The following PPP3CB variants were observed in gnomAD, a reference collection of about 807,000 sequenced individuals.
The protein encoded by PPP3CB is protein phosphatase 3 catalytic subunit beta.
A neutral mutation model predicts 66.4 loss-of-function variants in PPP3CB; 8 were observed. That is an observed-to-expected ratio of 0.12 (90% CI 0.07 to 0.22). The LOEUF (loss-of-function observed/expected upper bound fraction) is 0.22, where lower values mean the gene tolerates loss of function less well. Among genes scored for constraint, PPP3CB ranks in the 10% least tolerant of loss-of-function variants. The pLI is 1.00. For synonymous variants in PPP3CB, 208 were observed against 221.2 expected (o/e 0.94, Z 0.53); for missense variants, 319 against 642.5 (o/e 0.50, Z 5.44).
chr10:73,457,279 A>G (rs567895345), intron 9 of PPP3CB, among the ~76,000 whole-genome samples: 1,993 of 148,706 alleles, frequency 0.013, 13 homozygotes, highest in Non-Finnish European at 0.021. Context: ...AAAAAAAAAA[A>G]AAAAAAAAAA....
intron 11 of PPP3CB, among the ~76,000 whole-genome samples, chr10:73,445,152 A>C (rs904280582): frequency 2.0e-4 from 30 of 152,208 alleles, no homozygotes; most frequent in African/African-American, 7.0e-4. Flanking sequence ...TGTGCAAACA[A>C]ATTTTTAAAG....
chr10:73,442,987 G>A (rs569601647), intron 12 of PPP3CB, among the ~76,000 whole-genome samples: 57 of 151,280 alleles, frequency 3.8e-4, no homozygotes, highest in Middle Eastern at 6.8e-3. Flanking sequence ...GAGCCCAGGA[G>A]TTTGAGACCA....
chr10:73,456,256 T>C (rs559225642), intron 9 of PPP3CB, among the ~76,000 whole-genome samples: 1 of 152,306 alleles, frequency 6.6e-6, no homozygotes, highest in East Asian at 1.9e-4. Flanking sequence ...GTCTCTACCT[T>C]CAACAAGCTT....
intron 1 of PPP3CB, among the ~76,000 whole-genome samples, chr10:73,491,019 A>ATTTTTTTTTTTTTTTTTTT (rs2057064854): frequency 4.5e-5 from 1 of 22,384 alleles, no homozygotes; most frequent in Non-Finnish European, 1.0e-4. Context: ...GTTTGTTTTT[A>ATTTTTTTTTTTTTTTTTTT]TTGTTTTTTT....
At chr10:73,495,610 A>G in intron 1 of PPP3CB, 195 bp downstream of exon 1, 2 of 757,512 alleles carry the variant, frequency 2.6e-6, no homozygotes, top group Non-Finnish European at 3.6e-6. Context: ...CCTGAAAGCA[A>G]CCGGGAGACC....
intron 9 of PPP3CB, among the ~76,000 whole-genome samples, chr10:73,455,771 C>T (rs918054632): frequency 2.0e-5 from 3 of 152,170 alleles, no homozygotes; most frequent in Non-Finnish European, 4.4e-5. Context: ...GGGGTTTCAC[C>T]GTGTTAGCCA....
At chr10:73,489,010 A>G (rs2057031459) in intron 1 of PPP3CB, among the ~76,000 whole-genome samples, 1 of 152,248 alleles carries the variant, frequency 6.6e-6, no homozygotes, top group Admixed American at 6.5e-5. Context: ...AAAGAAAAAG[A>G]AAACTTTGGA....
chr10:73,474,894 A>C, intron 4 of PPP3CB, 25 bp downstream of exon 4: 2 of 1,611,034 alleles, frequency 1.2e-6, no homozygotes, highest in East Asian at 2.2e-5. Flanking sequence ...GAGGAAGTGA[A>C]AACATTTCTT....
rs10569079 is a variant in PPP3CB at position 73,462,949 on chromosome 10, C to CA, written c.1108+4603dup. Among the ~76,000 whole-genome samples, 88 of 58,816 alleles carry CA rather than the reference C, an allele frequency of 1.5e-3. 4 individuals carry two copies. Among genetic ancestry groups the CA allele is most frequent in the South Asian group, 5.4e-3 (5 of 924 alleles). 38.6% of individuals were successfully genotyped at this position (58,816 alleles called of 152,430 possible). A position where few individuals can be genotyped will look rare whatever the true frequency, so the allele number is the denominator to read the frequency against. On this transcript the variant is annotated intron_variant, in intron 9 of 13. Transcript: ENST00000360663. Reference sequence around the variant, plus strand: ...TGGGTGACAGAGCAAGACTCTGTCTCAAAAAAAAAAAAAAAAAAAAAAAAA... The same window carrying CA: ...TGGGTGACAGAGCAAGACTCTGTCTCAAAAAAAAAAAAAAAAAAAAAAAAAA...
rs1331815036 is a variant in PPP3CB at position 73,467,654 on chromosome 10, T to C, written c.1007A>G (p.Asn336Ser). 1 of 1,565,372 alleles carries C rather than the reference T, an allele frequency of 6.4e-7. No homozygotes were observed. Among genetic ancestry groups the C allele is most frequent in the South Asian group, 1.2e-5 (1 of 84,598 alleles). Residue 336 changes from asparagine to serine, a missense_variant, in exon 9 of 14, where the codon AAT (asparagine) becomes AGT (serine). Asn to Ser is a conservative substitution (Grantham distance 46, BLOSUM62 1). Transcript: ENST00000360663. ...NKAAVLKYEN[N>S]VMNIRQFNCS... ...GTTAAACTGTCGAATATTCATCACA[T>C]TATTTTCATACTTTAATACAGCAGC...
At chr10:73,467,519 T>C in intron 9 of PPP3CB, 34 bp downstream of exon 9, 5 of 1,435,350 alleles carry the variant, frequency 3.5e-6, no homozygotes, top group Non-Finnish European at 4.6e-6. Context: ...GTAACAGTAA[T>C]AAAACAAATT....
At chr10:73,450,259 C>CA (rs1398804288) in intron 10 of PPP3CB, among the ~76,000 whole-genome samples, 1 of 152,170 alleles carries the variant, frequency 6.6e-6, no homozygotes, top group Non-Finnish European at 1.5e-5. Flanking sequence ...AGACCAGTTC[C>CA]ATAGAATGGT....
intron 1 of PPP3CB, among the ~76,000 whole-genome samples, chr10:73,489,455 G>A (rs1427528975): frequency 7.0e-6 from 1 of 143,876 alleles, no homozygotes; most frequent in African/African-American, 2.7e-5. Flanking sequence ...CATTGGTTGA[G>A]TACTTACCAT....
At chr10:73,455,133 T>C (rs905436012) in intron 9 of PPP3CB, among the ~76,000 whole-genome samples, 2 of 152,170 alleles carry the variant, frequency 1.3e-5, no homozygotes, top group Non-Finnish European at 2.9e-5. Context: ...TCCACCCGCC[T>C]TGGCCTCCCA....
At chr10:73,444,601 C>G in intron 12 of PPP3CB, 124 bp downstream of exon 12, 1 of 1,553,746 alleles carries the variant, frequency 6.4e-7, no homozygotes, top group Non-Finnish European at 8.7e-7. Flanking sequence ...CTGTCTAGGT[C>G]AGCTGCTGAG....
intron 10 of PPP3CB, among the ~76,000 whole-genome samples, chr10:73,453,586 CT>C (rs1410898758): frequency 6.6e-6 from 1 of 152,028 alleles, no homozygotes; most frequent in Non-Finnish European, 1.5e-5. Context: ...TATCAATGGA[CT>C]TAGAAATACG....
intron 9 of PPP3CB, chr10:73,467,226 A>G (rs2056631716): frequency 6.3e-6 from 1 of 158,384 alleles, no homozygotes; most frequent in Non-Finnish European, 1.4e-5. Flanking sequence ...AGATATGCAG[A>G]AGGGCCCATT....
At chr10:73,453,422 G>A (rs570202190) in intron 10 of PPP3CB, among the ~76,000 whole-genome samples, 34 of 151,918 alleles carry the variant, frequency 2.2e-4, no homozygotes, top group East Asian at 1.9e-3. Flanking sequence ...GTGTGTGTGT[G>A]TATATATATA....
intron 1 of PPP3CB, among the ~76,000 whole-genome samples, chr10:73,482,806 T>C (rs1375223027): frequency 6.6e-6 from 1 of 151,858 alleles, no homozygotes; most frequent in African/African-American, 2.4e-5. Context: ...TTAGTAGAGA[T>C]AGGGTTTCAC....
Sources: gnomAD v4.1 joint callset for allele counts (sites outside exome capture counted in the v4.1 genomes callset) on GRCh38, gnomAD v4.1.1 for gene constraint, MANE v1.5 for transcripts, NCBI Gene and HGNC (gene_info 2026-07-23, HGNC 2026-07-21) for gene names.